The following CORO1C variants were observed in gnomAD, a reference collection of about 807,000 sequenced individuals.
CORO1C encodes the protein coronin-1C.
In CORO1C, 14 loss-of-function variants were observed where a neutral mutation model predicts 51.2. That is an observed-to-expected ratio of 0.27 (90% CI 0.18 to 0.43). The LOEUF is 0.43. CORO1C is among the 20% of genes least tolerant of loss of function. CORO1C has a pLI of 1.00. For synonymous variants in CORO1C, 181 were observed against 210.5 expected (o/e 0.86, Z 1.21); for missense variants, 417 against 607.8 (o/e 0.69, Z 3.30).
intron 3 of CORO1C, 21 bp downstream of exon 3, chr12:108,678,251 C>T (rs1028512262): frequency 6.2e-7 from 1 of 1,602,830 alleles, no homozygotes; most frequent in Non-Finnish European, 8.5e-7. Flanking sequence ...CCTGTGTGCA[C>T]ACAACACCCT....
chr12:108,653,798 T>C (rs1168465855), intron 7 of CORO1C, among the ~76,000 whole-genome samples: 1 of 152,152 alleles, frequency 6.6e-6, no homozygotes, highest in East Asian at 1.9e-4. Context: ...CTGGAGAGTC[T>C]CTGAGGCCCT....
chr12:108,706,804 G>A lies in CORO1C; in HGVS notation c.-5-5481C>T, dbSNP rs780060244. 3.2e-4 allele frequency among the ~76,000 whole-genome samples: 48 copies of A among 152,194 alleles called. 1 individual carries two copies. The highest frequency in any genetic ancestry group is 2.6e-4 in the Non-Finnish European group (18 of 68,022). On this transcript the variant is annotated intron_variant, in intron 1 of 10. Coordinates refer to ENST00000261401, the MANE Select transcript of CORO1C (RefSeq NM_014325.4). Reference sequence around the variant, plus strand: ...TCACTATGTTGGTCAGACTGGTCTCGAACTCTTGACCGCAGGTGATCCTCC... The same window carrying A: ...TCACTATGTTGGTCAGACTGGTCTCAAACTCTTGACCGCAGGTGATCCTCC...
intron 1 of CORO1C, among the ~76,000 whole-genome samples, chr12:108,728,737 C>T (rs2035647809): frequency 6.6e-6 from 1 of 152,154 alleles, no homozygotes; most frequent in South Asian, 2.1e-4. Flanking sequence ...CAGAGAGATT[C>T]TATTACTTAA....
At chr12:108,700,318 T>C (rs755993301) in intron 2 of CORO1C, among the ~76,000 whole-genome samples, 2 of 152,176 alleles carry the variant, frequency 1.3e-5, no homozygotes, top group Non-Finnish European at 2.9e-5. Flanking sequence ...CTAGGCCCTC[T>C]TCACAGCTTT....
At chr12:108,685,258 T>C (rs1592900899) in intron 2 of CORO1C, among the ~76,000 whole-genome samples, 1 of 152,154 alleles carries the variant, frequency 6.6e-6, no homozygotes, top group East Asian at 1.9e-4. Flanking sequence ...ATTACTGCCA[T>C]TCCCAGCTCA....
chr12:108,667,024 G>T (rs1394177534), intron 3 of CORO1C, among the ~76,000 whole-genome samples: 1 of 151,240 alleles, frequency 6.6e-6, no homozygotes. Context: ...TTACTGTGCG[G>T]ATACAATAAC....
chr12:108,707,867 C>T (rs1396600990), intron 1 of CORO1C, among the ~76,000 whole-genome samples: 1 of 152,156 alleles, frequency 6.6e-6, no homozygotes, highest in Non-Finnish European at 1.5e-5. Flanking sequence ...ATGTCCAATA[C>T]ACATGAAAAG....
At chr12:108,670,564 C>A (rs1017579065) in intron 3 of CORO1C, among the ~76,000 whole-genome samples, 1 of 152,054 alleles carries the variant, frequency 6.6e-6, no homozygotes, top group Non-Finnish European at 1.5e-5. Flanking sequence ...AGCAAGGCAC[C>A]ATGTTTCTGA....
At chr12:108,712,561 A>T (rs1402568282) in intron 1 of CORO1C, among the ~76,000 whole-genome samples, 1 of 130,280 alleles carries the variant, frequency 7.7e-6, no homozygotes, top group Non-Finnish European at 1.6e-5. Context: ...ACAACAAGCG[A>T]AACTGTCTCA....
chr12:108,715,486 C>T (rs1262212629), intron 1 of CORO1C, among the ~76,000 whole-genome samples: 1 of 152,100 alleles, frequency 6.6e-6, no homozygotes, highest in Non-Finnish European at 1.5e-5. Context: ...GACATGTTTA[C>T]AACCCTCCAC....
At chr12:108,679,722 G>A (rs558238559) in intron 2 of CORO1C, among the ~76,000 whole-genome samples, 66 of 152,336 alleles carry the variant, frequency 4.3e-4, no homozygotes, top group African/African-American at 1.4e-3. Flanking sequence ...AAAGCAGAAC[G>A]TTAACGTGTA....
At chr12:108,671,073 G>A (rs960809608) in intron 3 of CORO1C, among the ~76,000 whole-genome samples, 1 of 151,808 alleles carries the variant, frequency 6.6e-6, no homozygotes, top group Non-Finnish European at 1.5e-5. Flanking sequence ...TGGCTCACAC[G>A]TGTAATCCCA....
At chr12:108,676,283 T>C (rs2033907278) in intron 3 of CORO1C, among the ~76,000 whole-genome samples, 1 of 152,220 alleles carries the variant, frequency 6.6e-6, no homozygotes. Context: ...GGTGGTTTCA[T>C]GGTGTTCGCT....
rs914305960 is a variant in CORO1C, at chr12:108,645,795, A to C, written c.*1608T>G. The C allele has an allele frequency of 3.3e-5, 5 of 152,302 alleles. No individual in the cohort carries two copies. Among genetic ancestry groups the C allele is most frequent in the African/African-American group, 1.2e-4 (5 of 41,452 alleles). The allele number at this position is 152,302 out of a possible 1,614,324, so 9.4% of individuals were successfully genotyped here. A position where few individuals can be genotyped will look rare whatever the true frequency, so the allele number is the denominator to read the frequency against. On this transcript the variant is annotated 3_prime_UTR_variant, in exon 11 of 11. Coordinates refer to ENST00000261401, the MANE Select transcript of CORO1C (RefSeq NM_014325.4). ...GCCCACACCAGCACGAGCATGTGCA[A>C]GAATTCCCTTCGTGGTCCCAATGGC... is the stretch of plus-strand genomic sequence containing the variant.
intron 3 of CORO1C, among the ~76,000 whole-genome samples, chr12:108,676,481 T>C (rs929939740): frequency 2.6e-5 from 4 of 152,178 alleles, no homozygotes; most frequent in Non-Finnish European, 5.9e-5. Context: ...TTTAAGATTC[T>C]GGCATCAGAG....
intron 1 of CORO1C, among the ~76,000 whole-genome samples, chr12:108,726,262 C>A (rs1185013042): frequency 6.6e-6 from 1 of 151,642 alleles, no homozygotes; most frequent in African/African-American, 2.4e-5. Flanking sequence ...CTAAAAAATA[C>A]CAAAAAATTA....
At chr12:108,701,406 G>A (rs994833976) in intron 1 of CORO1C, 83 bp from the exon 2 acceptor site, 2 of 1,589,206 alleles carry the variant, frequency 1.3e-6, no homozygotes, top group Non-Finnish European at 1.7e-6. Context: ...CTCCAAGTAG[G>A]AAAAACAGAA....
intron 3 of CORO1C, among the ~76,000 whole-genome samples, chr12:108,667,569 T>C (rs1055248698): frequency 5.9e-5 from 9 of 152,354 alleles, no homozygotes; most frequent in African/African-American, 1.9e-4. Context: ...ACTATGGCAA[T>C]GTTTTGTTTT....
chr12:108,667,009 A>G (rs750133), intron 3 of CORO1C, among the ~76,000 whole-genome samples: 8,674 of 152,054 alleles, frequency 0.057, 510 homozygotes, highest in East Asian at 0.32. Context: ...GGCCACACTC[A>G]TGGCTTACTG....
Sources: gnomAD v4.1 joint callset for allele counts (sites outside exome capture counted in the v4.1 genomes callset) on GRCh38, gnomAD v4.1.1 for gene constraint, MANE v1.5 for transcripts, NCBI Gene and HGNC (gene_info 2026-07-23, HGNC 2026-07-21) for gene names.